Variants in UGT1A10 observed in about 807,000 individuals in gnomAD.
UGT1A10 encodes UDP-glucuronosyltransferase 1A10.
UGT1A10 carries 49 observed loss-of-function variants against 45.8 expected under a neutral mutation model. The ratio of observed to expected loss-of-function variants is 1.07; its 90% confidence interval spans 0.85 to 1.36. The LOEUF (loss-of-function observed/expected upper bound fraction) is 1.36, where lower values mean the gene tolerates loss of function less well. UGT1A10 is among the 40% of genes most tolerant of loss of function. UGT1A10 has a pLI of 0.00. For missense variants in UGT1A10, 745 were observed against 668.6 expected, an observed-to-expected ratio of 1.11 and a Z score of -1.26; for synonymous variants, 284 against 249.7, an observed-to-expected ratio of 1.14 and a Z score of -1.29.
At chr2:233,671,494 C>T (rs2741045) in intron 1 of UGT1A10, among the ~76,000 whole-genome samples, 32,890 of 152,092 alleles carry the variant, frequency 0.22, 4,574 homozygotes, top group South Asian at 0.33. Flanking sequence ...TTGCTTAGAG[C>T]ATGAGTTGCC....
chr2:233,712,608 G>A (rs889827578), intron 1 of UGT1A10, among the ~76,000 whole-genome samples: 3 of 152,186 alleles, frequency 2.0e-5, no homozygotes, highest in African/African-American at 7.2e-5. Flanking sequence ...GGGGACTAGG[G>A]CAATGGTGAC....
intron 1 of UGT1A10, chr2:233,747,131 T>C: frequency 6.5e-7 from 1 of 1,533,260 alleles, no homozygotes; most frequent in Non-Finnish European, 8.8e-7. Flanking sequence ...AGTGGCTCAG[T>C]GACAAGGTAA....
chr2:233,678,393 A>T (rs1313626087), intron 1 of UGT1A10, among the ~76,000 whole-genome samples: 1 of 152,100 alleles, frequency 6.6e-6, no homozygotes, highest in Non-Finnish European at 1.5e-5. Context: ...GTGGAGGAGG[A>T]GGAGTAGATG....
Position 233,651,386 on chromosome 2 carries a change from C to T in UGT1A10, c.855+14009C>T, listed in dbSNP as rs191053355. Among the ~76,000 whole-genome samples the T allele has an allele frequency of 1.6e-4, 24 of 152,038 alleles. No individual in the cohort carries two copies. The East Asian group carries it at 4.6e-3, about 29-fold the overall frequency. Reference sequence around the variant, plus strand: ...ATGTATAAAATAGGAAACATATTGGCCATATATCATTTTATATATTTTTGG... The same window carrying T: ...ATGTATAAAATAGGAAACATATTGGTCATATATCATTTTATATATTTTTGG... On this transcript the variant is annotated intron_variant, in intron 1 of 4. Transcript: ENST00000344644.
At chr2:233,740,584 T>G (rs1401941870) in intron 1 of UGT1A10, 1 of 151,838 alleles carries the variant, frequency 6.6e-6, no homozygotes, top group Non-Finnish European at 1.5e-5. Flanking sequence ...GGGACCCTAA[T>G]GAAATGGTTA....
chr2:233,662,922 G>C (rs1012107893), intron 1 of UGT1A10, among the ~76,000 whole-genome samples: 3 of 151,688 alleles, frequency 2.0e-5, no homozygotes, highest in Non-Finnish European at 4.4e-5. Flanking sequence ...TATTTATATG[G>C]TATGTTACTT....
chr2:233,636,734 A>G lies in UGT1A10; in HGVS notation c.212A>G (p.Asn71Ser). The part of the protein sequence containing the change: ...EVSWQLERSL[N>S]CTVKTYSTSY... Reference sequence around the variant, plus strand: ...AGTTGGCAACTGGAAAGATCACTGAATTGCACAGTGAAGACTTACTCAACC... The same window carrying G: ...AGTTGGCAACTGGAAAGATCACTGAGTTGCACAGTGAAGACTTACTCAACC... Residue 71 changes from asparagine to serine, a missense_variant, in exon 1 of 5, where the codon AAT becomes AGT. Asn to Ser is a conservative substitution (Grantham distance 46). Transcript: ENST00000344644. 1 of 1,614,170 alleles carries G rather than the reference A, an allele frequency of 6.2e-7. No homozygotes were observed. Among genetic ancestry groups the G allele is most frequent in the Non-Finnish European group, 8.5e-7 (1 of 1,180,014 alleles).
intron 1 of UGT1A10, chr2:233,682,683 C>A (rs781284168): frequency 6.2e-7 from 1 of 1,613,862 alleles, no homozygotes; most frequent in Admixed American, 1.7e-5. Flanking sequence ...AGCCACACAT[C>A]AATTTGGTTG....
intron 1 of UGT1A10, chr2:233,743,980 G>C: frequency 7.7e-7 from 1 of 1,302,864 alleles, no homozygotes; most frequent in Non-Finnish European, 1.0e-6. Context: ...CCAGCACCCA[G>C]GCGCAGGCCC....
At position 233,656,685 on chromosome 2, in the gene UGT1A10, A is replaced by T. The variant is rs144936656; in HGVS notation, c.855+19308A>T. Among the ~76,000 whole-genome samples the T allele has an allele frequency of 7.2e-5, 11 of 152,220 alleles. No individual in the cohort carries two copies. In the East Asian group the frequency reaches 1.7e-3, roughly 24 times the overall value. On this transcript the variant is annotated intron_variant, in intron 1 of 4. Coordinates refer to ENST00000344644, the MANE Select transcript of UGT1A10 (RefSeq NM_019075.4). ...CACTAAAGTGGGTCAGTTGTGTTTA[A>T]ACCACAAAAGGGAGGGAGTGTGACG...
In UGT1A10 at chr2:233,643,456, C is replaced by T. The variant is rs916992666; in HGVS notation, c.855+6079C>T. 3.9e-5 allele frequency among the ~76,000 whole-genome samples: 6 copies of T among 152,122 alleles called. No individual in the cohort carries two copies. In the South Asian group the frequency reaches 1.0e-3, roughly 26 times the overall value. ...ACTTGCCCTTCAAGGCAGTGGGCTC[C>T]CCTCTATCCCAGGGGAGCTCCAGAA... On this transcript the variant is annotated intron_variant, in intron 1 of 4. Transcript: ENST00000344644.
intron 1 of UGT1A10, chr2:233,693,055 C>A: frequency 6.2e-7 from 1 of 1,614,174 alleles, no homozygotes; most frequent in South Asian, 1.1e-5. Context: ...GGGTTTTCTT[C>A]TTAGCACTTT....
chr2:233,725,867 A>C (rs2077480868), intron 1 of UGT1A10, among the ~76,000 whole-genome samples: 1 of 152,102 alleles, frequency 6.6e-6, no homozygotes, highest in Admixed American at 6.5e-5. Context: ...CATCTCTTTT[A>C]ATTTGAAAAT....
At chr2:233,728,889 G>A (rs182630542) in intron 1 of UGT1A10, among the ~76,000 whole-genome samples, 41 of 152,264 alleles carry the variant, frequency 2.7e-4, no homozygotes, top group African/African-American at 9.4e-4. Context: ...TCCCCAGAGT[G>A]AGCACAGGGT....
chr2:233,739,705 T>C (rs887179684), intron 1 of UGT1A10, among the ~76,000 whole-genome samples: 3 of 152,188 alleles, frequency 2.0e-5, no homozygotes, highest in African/African-American at 7.2e-5. Flanking sequence ...TACAGGCTCA[T>C]GGGGGAAGGG....
chr2:233,689,524 T>C (rs2074948566), intron 1 of UGT1A10, among the ~76,000 whole-genome samples: 1 of 152,254 alleles, frequency 6.6e-6, no homozygotes, highest in Non-Finnish European at 1.5e-5. Flanking sequence ...GGTTTGGTCA[T>C]GAGAAGTGAG....
rs370249058 is a variant in UGT1A10 at position 233,636,924 on chromosome 2, A to G, written c.402A>G (p.Val134=). Residue 134 remains valine, a synonymous_variant, in exon 1 of 5, where the codon GTA becomes GTG. Coordinates refer to ENST00000344644, the MANE Select transcript of UGT1A10 (RefSeq NM_019075.4). ...GTTTGTTTAATGACCGAAAATTAGT[A>G]GAATACTTAAAGGAGAGTTCTTTTG... ...CRSLFNDRKL[V]EYLKESSFDA... is the part of the protein sequence containing the mutation. 6.2e-6 allele frequency: 10 copies of G among 1,614,066 alleles called. No homozygotes were observed. The highest frequency in any genetic ancestry group is 5.3e-5 in the African/African-American group (4 of 74,914).
intron 1 of UGT1A10, among the ~76,000 whole-genome samples, chr2:233,698,915 G>A (rs1262646968): frequency 6.6e-6 from 1 of 152,234 alleles, no homozygotes; most frequent in African/African-American, 2.4e-5. Context: ...AAGGAGGGAC[G>A]TGGCCGTCTC....
chr2:233,708,956 T>C (rs1167417954), intron 1 of UGT1A10, among the ~76,000 whole-genome samples: 1 of 152,154 alleles, frequency 6.6e-6, no homozygotes, highest in African/African-American at 2.4e-5. Flanking sequence ...CATTTATATG[T>C]TTCCATTTCT....
Sources: allele counts gnomAD v4.1 joint callset (sites outside exome capture counted in the v4.1 genomes callset), GRCh38; gene constraint gnomAD v4.1.1; transcripts MANE v1.5; gene names NCBI Gene and HGNC (gene_info 2026-07-23, HGNC 2026-07-21).